KIAA0825: variants seen among roughly 807,000 people sequenced by gnomAD.
KIAA0825 encodes KIAA0825.
A neutral mutation model predicts 147.6 loss-of-function variants in KIAA0825; 119 were observed. The observed-to-expected ratio is 0.81, with a 90% confidence interval of 0.69 to 0.94. The LOEUF is 0.94. Ranked by LOEUF, KIAA0825 falls within the 40% of genes least tolerant of loss-of-function variation. The pLI is 0.00. For missense variants in KIAA0825, 1,381 were observed against 1,472.7 expected (o/e 0.94, Z 1.02); for synonymous variants, 470 against 518.1 (o/e 0.91, Z 1.26).
intron 1 of KIAA0825, among the ~76,000 whole-genome samples, chr5:94,588,214 C>CT (rs1561359380): frequency 6.6e-6 from 1 of 152,148 alleles, no homozygotes; most frequent in Non-Finnish European, 1.5e-5. Context: ...AACTAAAGAG[C>CT]TTCTGCACAG....
chr5:94,210,862 C>T (rs756281660), intron 20 of KIAA0825, among the ~76,000 whole-genome samples: 9 of 152,074 alleles, frequency 5.9e-5, no homozygotes, highest in Admixed American at 3.9e-4. Flanking sequence ...TATAATGACA[C>T]GAGGCTTTAT....
chr5:94,461,907 T>C (rs1759885872), intron 12 of KIAA0825, among the ~76,000 whole-genome samples: 1 of 151,960 alleles, frequency 6.6e-6, no homozygotes, highest in Middle Eastern at 3.2e-3. Flanking sequence ...TAATTCCACA[T>C]TTCTAGATTT....
intron 15 of KIAA0825, among the ~76,000 whole-genome samples, chr5:94,408,347 T>G (rs1213140737): frequency 6.6e-6 from 1 of 152,010 alleles, no homozygotes; most frequent in African/African-American, 2.4e-5. Flanking sequence ...TTATTTTATT[T>G]TATTTATTTA....
intron 5 of KIAA0825, among the ~76,000 whole-genome samples, chr5:94,517,751 T>TTTAAATAAATTAAATTTATTTTA (rs1326442980): frequency 1.3e-5 from 2 of 150,030 alleles, no homozygotes; most frequent in Middle Eastern, 3.2e-3. Context: ...ATTATTTAAA[T>TTTAAATAAATTAAATTTATTTTA]AGTTTGGAGA....
intron 1 of KIAA0825, among the ~76,000 whole-genome samples, chr5:94,611,242 G>A (rs1788708003): frequency 6.6e-6 from 1 of 152,128 alleles, no homozygotes; most frequent in South Asian, 2.1e-4. Flanking sequence ...CCTAGCCTCT[G>A]GTTCAAGTCA....
At chr5:94,427,657 A>G (rs923757948) in intron 14 of KIAA0825, among the ~76,000 whole-genome samples, 3 of 152,204 alleles carry the variant, frequency 2.0e-5, no homozygotes, top group Non-Finnish European at 4.4e-5. Context: ...TATAAGCTTT[A>G]TAAAGGCAAC....
chr5:94,227,694 C>A (rs564651991), intron 20 of KIAA0825, among the ~76,000 whole-genome samples: 2 of 151,724 alleles, frequency 1.3e-5, no homozygotes, highest in Non-Finnish European at 1.5e-5. Flanking sequence ...AAGCTGGAAA[C>A]CATCATTCTC....
chr5:94,265,985 G>A (rs1249675909), intron 20 of KIAA0825, among the ~76,000 whole-genome samples: 1 of 152,138 alleles, frequency 6.6e-6, no homozygotes, highest in Non-Finnish European at 1.5e-5. Context: ...CAAGTACAAT[G>A]GTTGTCTAGA....
chr5:94,325,972 A>C (rs1277904730), intron 20 of KIAA0825, among the ~76,000 whole-genome samples: 1 of 152,094 alleles, frequency 6.6e-6, no homozygotes, highest in Non-Finnish European at 1.5e-5. Context: ...CAAAGGTAAT[A>C]ATACTACCTT....
At chr5:94,425,508 G>A (rs1185700820) in intron 14 of KIAA0825, among the ~76,000 whole-genome samples, 2 of 152,108 alleles carry the variant, frequency 1.3e-5, no homozygotes, top group South Asian at 2.1e-4. Context: ...GGAGGCAAAG[G>A]TAGGAGGATC....
intron 20 of KIAA0825, among the ~76,000 whole-genome samples, chr5:94,309,840 G>A (rs1779002207): frequency 6.6e-6 from 1 of 151,654 alleles, no homozygotes; most frequent in Non-Finnish European, 1.5e-5. Context: ...ACAGAGAGGG[G>A]TTGAGGTGCT....
rs766631419 is a variant in KIAA0825 at position 94,403,783 on chromosome 5, G to A, written c.2673C>T (p.Cys891=). ...DFLYNIPVST[C]VEYELEVIRC... ...GGATGACCTCTAGCTCGTACTCCAC[G>A]CACGTTGAGACTTTAAAATCAGATG... is the stretch of plus-strand genomic sequence containing the variant. Residue 891 remains cysteine, a synonymous_variant, in exon 16 of 21, where the codon TGC becomes TGT. Transcript: ENST00000682413. 7.2e-5 allele frequency: 111 copies of A among 1,551,170 alleles called. No homozygotes were observed. Among genetic ancestry groups the A allele is most frequent in the Middle Eastern group, 1.7e-4 (1 of 5,984 alleles).
rs560551928 is a variant in KIAA0825, at chr5:94,598,172, A to T, written c.-152-15589T>A. Among the ~76,000 whole-genome samples the T allele has an allele frequency of 4.7e-4, 70 of 150,476 alleles. 1 individual carries two copies. The highest frequency in any genetic ancestry group is 7.1e-4 in the Non-Finnish European group (48 of 67,872). ...TATTTTTTTACTTTTGTGTAATAAC[A>T]GTTAGCATAAAACACAATGTACAAA... On this transcript the variant is annotated intron_variant, in intron 1 of 20. Transcript: ENST00000682413.
rs764973749 is a variant in KIAA0825, at chr5:94,520,900, A to T, written c.318T>A (p.Asn106Lys). Residue 106 changes from asparagine to lysine, a missense_variant, in exon 5 of 21, where the codon AAT becomes AAA. Coordinates refer to ENST00000682413, the MANE Select transcript of KIAA0825 (RefSeq NM_001145678.3). ...FFKTLQDLLK[N>K]EQNQEEMTLD... ...ATGTCATTTCTTCTTGATTTTGTTC[A>T]TTCTTCAACAAATCTTGCTAATGAA... 3.4e-5 allele frequency: 54 copies of T among 1,592,712 alleles called. No homozygotes were observed. In the South Asian group the frequency reaches 5.8e-4, roughly 17 times the overall value.
intron 14 of KIAA0825, among the ~76,000 whole-genome samples, chr5:94,424,440 A>G (rs770376116): frequency 1.3e-5 from 2 of 152,178 alleles, no homozygotes; most frequent in Non-Finnish European, 2.9e-5. Flanking sequence ...CAAGAAAGAA[A>G]TTAAAGAGAA....
At chr5:94,548,220 T>C (rs1393349826) in intron 2 of KIAA0825, among the ~76,000 whole-genome samples, 1 of 152,144 alleles carries the variant, frequency 6.6e-6, no homozygotes, top group Non-Finnish European at 1.5e-5. Flanking sequence ...CTTTTCAAGA[T>C]GTAGACAGTA....
intron 20 of KIAA0825, among the ~76,000 whole-genome samples, chr5:94,175,823 C>T (rs552150852): frequency 2.6e-5 from 4 of 152,116 alleles, no homozygotes; most frequent in Middle Eastern, 6.8e-3. Context: ...TAAACAAAAT[C>T]ATTCTAGTTT....
Position 94,462,506 on chromosome 5 carries a change from T to C in KIAA0825, c.2127A>G (p.Val709=). 1 of 1,546,370 alleles carries C rather than the reference T, an allele frequency of 6.5e-7. No individual in the cohort carries two copies. Among genetic ancestry groups the C allele is most frequent in the Non-Finnish European group, 8.7e-7 (1 of 1,144,164 alleles). ...GCTGATGAGGATTCAAAAGTTTCTGTACAGATGTACAAACTGACCATAACA... is the reference window on the plus strand; with the variant it reads ...GCTGATGAGGATTCAAAAGTTTCTGCACAGATGTACAAACTGACCATAACA... ...ENMLWSVCTS[V]QKLLNPHQHT... is the part of the protein sequence containing the mutation. Residue 709 remains valine (V), a synonymous_variant, in exon 12 of 21, where the codon GTA becomes GTG. Transcript: ENST00000682413.
At chr5:94,391,477 A>T in intron 18 of KIAA0825, 58 bp downstream of exon 18, 28 of 1,525,562 alleles carry the variant, frequency 1.8e-5, no homozygotes, top group Non-Finnish European at 2.3e-5. Context: ...AGCTGCCAGC[A>T]GACGCTGCCT....
Sources: gnomAD v4.1 joint callset for allele counts (sites outside exome capture counted in the v4.1 genomes callset) on GRCh38, gnomAD v4.1.1 for gene constraint, MANE v1.5 for transcripts, NCBI Gene and HGNC (gene_info 2026-07-23, HGNC 2026-07-21) for gene names.